The following SRRM3 variants were observed in gnomAD, a reference collection of about 807,000 sequenced individuals.
The protein encoded by SRRM3 is serine/arginine repetitive matrix protein 3.
In SRRM3, 27 loss-of-function variants were observed where a neutral mutation model predicts 66.2. That is an observed-to-expected ratio of 0.41 (90% CI 0.30 to 0.56). The LOEUF (loss-of-function observed/expected upper bound fraction) is 0.56. SRRM3 is among the 20% of genes least tolerant of loss of function. The pLI, the probability that SRRM3 is intolerant of heterozygous loss-of-function variation, is 0.32. For synonymous variants in SRRM3, 391 were observed against 414.9 expected, an observed-to-expected ratio of 0.94 and a Z score of 0.70; for missense variants, 918 against 991.9, an observed-to-expected ratio of 0.93 and a Z score of 1.00.
chr7:76,263,420 T>C (rs1054013153), intron 8 of SRRM3, among the ~76,000 whole-genome samples: 4 of 152,204 alleles, frequency 2.6e-5, no homozygotes, highest in Non-Finnish European at 4.4e-5. Flanking sequence ...CTTTGAGGGC[T>C]AACCAGAAGC....
rs880001912 is a variant in SRRM3 at position 76,285,070 on chromosome 7, GT to G, written c.1734-534del. 6.1e-5 allele frequency among the ~76,000 whole-genome samples: 9 copies of G among 148,384 alleles called. No individual in the cohort carries two copies. The highest frequency in any genetic ancestry group is 3.9e-4 in the East Asian group (2 of 5,070). On this transcript the variant is annotated intron_variant, in intron 14 of 14. Coordinates refer to ENST00000611745, the MANE Select transcript of SRRM3 (RefSeq NM_001110199.3). The surrounding 1 kb of genome is among the most constrained non-coding windows in gnomAD (Gnocchi z 4.1). ...TTTGCAAGTTTCATTCATTCAACAAGTTTTTTTTTTTGAGACGGAGTCTCAC... is the reference window on the plus strand; with the variant it reads ...TTTGCAAGTTTCATTCATTCAACAAGTTTTTTTTTTGAGACGGAGTCTCAC...
chr7:76,237,293 G>A (rs1170628160), intron 2 of SRRM3, among the ~76,000 whole-genome samples: 2 of 152,236 alleles, frequency 1.3e-5, no homozygotes, highest in Non-Finnish European at 2.9e-5. Context: ...TCTAGTCCCA[G>A]CTGCTCAGGA....
intron 11 of SRRM3, chr7:76,270,042 T>C (rs1353472436): frequency 1.3e-5 from 2 of 151,986 alleles, no homozygotes; most frequent in Non-Finnish European, 2.9e-5. Context: ...CAGCAAATCC[T>C]CCTTTCAACT....
chr7:76,210,203 G>A (rs1232915437), intron 1 of SRRM3, among the ~76,000 whole-genome samples: 2 of 152,178 alleles, frequency 1.3e-5, no homozygotes, highest in Non-Finnish European at 2.9e-5. Context: ...CTTGGTATCA[G>A]ACAGAGCACC....
Position 76,235,263 on chromosome 7 carries a change from A to C in SRRM3, c.197A>C (p.Lys66Thr), listed in dbSNP as rs782422752. Reference sequence around the variant, plus strand: ...GAGCGCAAGCGGCGGGTGGAGCTCAAGTGCATGGAGCTGCAGGAGATGATG... The same window carrying C: ...GAGCGCAAGCGGCGGGTGGAGCTCACGTGCATGGAGCTGCAGGAGATGATG... ...DHERKRRVELKCMELQEMMEE... is the reference protein window; with the variant it reads ...DHERKRRVELTCMELQEMMEE... Residue 66 changes from lysine (K) to threonine (T), a missense_variant, in exon 2 of 15, where the codon AAG (lysine) becomes ACG (threonine). Coordinates refer to ENST00000611745, the MANE Select transcript of SRRM3 (RefSeq NM_001110199.3). 1 of 1,538,760 alleles carries C rather than the reference A, an allele frequency of 6.5e-7. No individual in the cohort carries two copies. Among genetic ancestry groups the C allele is most frequent in the South Asian group, 1.2e-5 (1 of 84,104 alleles).
intron 3 of SRRM3, among the ~76,000 whole-genome samples, chr7:76,251,045 C>T (rs1554606812): frequency 2.6e-5 from 4 of 152,180 alleles, no homozygotes; most frequent in Non-Finnish European, 5.9e-5. Flanking sequence ...GTGTTCCTGG[C>T]TAATGGGAAA....
intron 3 of SRRM3, 28 bp from the exon 4 acceptor site, chr7:76,259,878 T>G: frequency 6.3e-7 from 1 of 1,599,566 alleles, no homozygotes; most frequent in Non-Finnish European, 8.5e-7. Context: ...GTCCCGAGAC[T>G]GGTGGTGAGC....
At chr7:76,271,614 G>A (rs1191111167) in intron 11 of SRRM3, among the ~76,000 whole-genome samples, 3 of 152,196 alleles carry the variant, frequency 2.0e-5, no homozygotes, top group African/African-American at 7.2e-5. Context: ...CTGCACTCCA[G>A]CTTGGGCAAC....
At chr7:76,222,907 C>T (rs1350685801) in intron 1 of SRRM3, among the ~76,000 whole-genome samples, 4 of 152,210 alleles carry the variant, frequency 2.6e-5, no homozygotes, top group East Asian at 1.9e-4. Context: ...TGAGCCACCG[C>T]GCCCAGCTTC....
At chr7:76,266,998 T>G (rs1554609811) in intron 10 of SRRM3, among the ~76,000 whole-genome samples, 1 of 151,746 alleles carries the variant, frequency 6.6e-6, no homozygotes, top group African/African-American at 2.4e-5. Flanking sequence ...AAAAGAGAAA[T>G]TTACCAGGGG....
chr7:76,215,736 C>T (rs1437550459), intron 1 of SRRM3, among the ~76,000 whole-genome samples: 3 of 148,212 alleles, frequency 2.0e-5, no homozygotes, highest in Admixed American at 6.8e-5. Flanking sequence ...CAAATGTTCT[C>T]CTGTCTCAGC....
intron 3 of SRRM3, among the ~76,000 whole-genome samples, chr7:76,258,835 T>A (rs1801785363): frequency 6.7e-6 from 1 of 150,000 alleles, no homozygotes. Context: ...AGCTGGCAGA[T>A]CATCTGAGAT....
At chr7:76,240,257 G>C (rs1332767897) in intron 2 of SRRM3, among the ~76,000 whole-genome samples, 3 of 152,116 alleles carry the variant, frequency 2.0e-5, no homozygotes, top group Admixed American at 2.0e-4. Context: ...GCTGACGTGA[G>C]AGAATTGCTT....
At chr7:76,234,865 C>T (rs1033928961) in intron 1 of SRRM3, 163 bp from the exon 2 acceptor site, 7 of 573,984 alleles carry the variant, frequency 1.2e-5, no homozygotes, top group African/African-American at 1.2e-4. Flanking sequence ...GAGGTGTGAC[C>T]CAAAGGTGCA....
chr7:76,259,787 C>T (rs1801806331), intron 3 of SRRM3, 119 bp from the exon 4 acceptor site: 4 of 1,511,332 alleles, frequency 2.6e-6, no homozygotes, highest in South Asian at 2.3e-5. Context: ...CCCCTCGCCC[C>T]TCCCCCAGCC....
chr7:76,268,281 C>G (rs993785603), intron 11 of SRRM3: 3 of 152,122 alleles, frequency 2.0e-5, no homozygotes, highest in Non-Finnish European at 4.4e-5. Context: ...TGGGGCTTCT[C>G]CCAGACCCCA....
intron 5 of SRRM3, among the ~76,000 whole-genome samples, chr7:76,260,497 C>T (rs1801835436): frequency 6.7e-6 from 1 of 148,550 alleles, no homozygotes; most frequent in Non-Finnish European, 1.5e-5. Context: ...GAGCCCCTCC[C>T]CTTCTCTAGG....
At chr7:76,279,333 C>T (rs569241300) in intron 11 of SRRM3, among the ~76,000 whole-genome samples, 3 of 152,080 alleles carry the variant, frequency 2.0e-5, no homozygotes, top group Non-Finnish European at 4.4e-5. Flanking sequence ...GACTCGCTTC[C>T]TTCCTTAGCA....
chr7:76,227,954 C>T (rs140154660), intron 1 of SRRM3, among the ~76,000 whole-genome samples: 1 of 152,294 alleles, frequency 6.6e-6, no homozygotes, highest in East Asian at 1.9e-4. Flanking sequence ...ACTGCAACCT[C>T]CACCTCCTGG....
Sources: gnomAD v4.1 joint callset for allele counts (sites outside exome capture counted in the v4.1 genomes callset) on GRCh38, gnomAD v4.1.1 for gene constraint, Gnocchi (gnomAD v3.1) non-coding constraint, MANE v1.5 for transcripts, NCBI Gene and HGNC (gene_info 2026-07-23, HGNC 2026-07-21) for gene names.